Variants in NRXN3 observed in about 807,000 individuals in gnomAD.
NRXN3 encodes neurexin 3, also known as neurexin III.
NRXN3 carries 32 observed loss-of-function variants against 137.6 expected under a neutral mutation model. The ratio of observed to expected loss-of-function variants is 0.23; its 90% CI spans 0.18 to 0.31. The LOEUF (loss-of-function observed/expected upper bound fraction) is 0.31, where lower values mean the gene tolerates loss of function less well. Ranked by LOEUF, NRXN3 falls within the 10% of genes least tolerant of loss-of-function variation. NRXN3 has a pLI of 1.00. For missense variants in NRXN3, 1,574 were observed against 2,062.5 expected (o/e 0.76, Z 4.59); for synonymous variants, 798 against 784.5 (o/e 1.02, Z -0.29).
chr14:78,284,513 A>T (rs2074892018), intron 3 of NRXN3, among the ~76,000 whole-genome samples: 2 of 152,206 alleles, frequency 1.3e-5, no homozygotes, highest in African/African-American at 4.8e-5. Flanking sequence ...AACTTTCTAA[A>T]TTAACTGAGA....
At chr14:79,825,394 A>C (rs949813537) in intron 20 of NRXN3, among the ~76,000 whole-genome samples, 3 of 152,058 alleles carry the variant, frequency 2.0e-5, no homozygotes, top group Non-Finnish European at 4.4e-5. Flanking sequence ...ATTTAAGAAA[A>C]TTTCAGAAGT....
intron 15 of NRXN3, among the ~76,000 whole-genome samples, chr14:79,297,172 CAT>C (rs1474076625): frequency 6.6e-6 from 1 of 152,236 alleles, no homozygotes; most frequent in African/African-American, 2.4e-5. Context: ...CATAGGTTCT[CAT>C]AACCTTCTAG....
At chr14:78,798,573 C>G (rs917700780) in intron 8 of NRXN3, among the ~76,000 whole-genome samples, 2 of 152,172 alleles carry the variant, frequency 1.3e-5, no homozygotes, top group African/African-American at 4.8e-5. Flanking sequence ...AGGACAGTGG[C>G]CTTCTTCTCA....
At chr14:78,196,133 C>T (rs563733209) in intron 1 of NRXN3, among the ~76,000 whole-genome samples, 1 of 152,346 alleles carries the variant, frequency 6.6e-6, no homozygotes, top group South Asian at 2.1e-4. Flanking sequence ...CGTCACCCAG[C>T]CAGAAAGTGT....
At chr14:79,838,589 G>T (rs1044724955) in intron 20 of NRXN3, among the ~76,000 whole-genome samples, 1 of 152,152 alleles carries the variant, frequency 6.6e-6, no homozygotes, top group African/African-American at 2.4e-5. Context: ...TAGTGTTGGA[G>T]ACCATATTGA....
intron 15 of NRXN3, among the ~76,000 whole-genome samples, chr14:79,271,369 C>G (rs2079270704): frequency 6.6e-6 from 1 of 150,500 alleles, no homozygotes; most frequent in Non-Finnish European, 1.5e-5. Flanking sequence ...TCCCTCTCCC[C>G]TCCCCTCCCT....
At chr14:78,858,434 C>A (rs2099063436) in intron 10 of NRXN3, among the ~76,000 whole-genome samples, 1 of 152,132 alleles carries the variant, frequency 6.6e-6, no homozygotes, top group African/African-American at 2.4e-5. Flanking sequence ...GTTCTACCTT[C>A]ACTAGAGTAA....
chr14:79,056,520 T>C (rs1364441842), intron 15 of NRXN3, among the ~76,000 whole-genome samples: 1 of 152,178 alleles, frequency 6.6e-6, no homozygotes, highest in Non-Finnish European at 1.5e-5. Context: ...CAAAGAGCTA[T>C]GGAAATTAAT....
chr14:79,473,546 G>A (rs2096533298), intron 16 of NRXN3, among the ~76,000 whole-genome samples: 1 of 152,182 alleles, frequency 6.6e-6, no homozygotes, highest in Admixed American at 6.5e-5. Flanking sequence ...TTTGGCCAGT[G>A]ACAGAATTGG....
intron 15 of NRXN3, among the ~76,000 whole-genome samples, chr14:79,035,992 A>T (rs1157466135): frequency 1.3e-5 from 2 of 152,054 alleles, no homozygotes; most frequent in African/African-American, 4.8e-5. Context: ...TTTCAGGAGG[A>T]AAAATTAATC....
chr14:79,742,606 G>C (rs1328880426), intron 19 of NRXN3, among the ~76,000 whole-genome samples: 2 of 152,122 alleles, frequency 1.3e-5, no homozygotes, highest in East Asian at 1.9e-4. Context: ...CTGCTACTTG[G>C]CTTATTGTTG....
At chr14:78,641,983 A>G (rs8019422) in intron 4 of NRXN3, among the ~76,000 whole-genome samples, 18,757 of 152,214 alleles carry the variant, frequency 0.12, 1,439 homozygotes, top group African/African-American at 0.21. Flanking sequence ...TACAGATCTA[A>G]GGGCTGAAAG....
chr14:79,105,561 CT>C (rs2052262474), intron 15 of NRXN3, among the ~76,000 whole-genome samples: 1 of 152,066 alleles, frequency 6.6e-6, no homozygotes, highest in African/African-American at 2.4e-5. Context: ...TATGGGATTC[CT>C]TAGAATCCAT....
intron 2 of NRXN3, among the ~76,000 whole-genome samples, chr14:78,278,289 T>C (rs2073904819): frequency 1.3e-5 from 2 of 152,190 alleles, no homozygotes; most frequent in Non-Finnish European, 1.5e-5. Flanking sequence ...TTGGTGTCAG[T>C]GTGCAGAAAT....
rs528298574 is a variant in NRXN3, at chr14:79,275,151, A to G, written c.3263-192070A>G. 1.7e-3 allele frequency among the ~76,000 whole-genome samples: 260 copies of G among 152,330 alleles called. 2 individuals are homozygous for G. Among genetic ancestry groups the G allele is most frequent in the African/African-American group, 5.8e-3 (242 of 41,568 alleles). On this transcript the variant is annotated intron_variant, in intron 15 of 20. Coordinates refer to ENST00000335750, the MANE Select transcript of NRXN3 (RefSeq NM_001330195.2). ...GTCGAACTGTTTTATGGTGTCACTG[A>G]AACCCTTAGATATATTTATAGCCAT...
At chr14:79,468,057 G>A (rs1032920300) in intron 16 of NRXN3, among the ~76,000 whole-genome samples, 5 of 152,168 alleles carry the variant, frequency 3.3e-5, no homozygotes, top group African/African-American at 4.8e-5. Context: ...CAGAGTGGGC[G>A]GGGCAAAAGG....
At chr14:79,425,678 G>A (rs1034996637) in intron 15 of NRXN3, among the ~76,000 whole-genome samples, 2 of 152,084 alleles carry the variant, frequency 1.3e-5, no homozygotes, top group East Asian at 3.9e-4. Context: ...AATACCAACC[G>A]AGGTCTTCTG....
chr14:79,099,532 T>A (rs2152836699), intron 15 of NRXN3, among the ~76,000 whole-genome samples: 1 of 152,296 alleles, frequency 6.6e-6, no homozygotes, highest in South Asian at 2.1e-4. Flanking sequence ...TTTAAAATGT[T>A]ATGGGGAAGC....
chr14:79,568,633 G>A lies in NRXN3; in HGVS notation c.3445-95145G>A, dbSNP rs183191870. On this transcript the variant is annotated intron_variant, in intron 16 of 20. Transcript: ENST00000335750. ...GAGCTAGAGCCGGGAGACTCCTCCT[G>A]TGGCTTTTATTAATGGACCAAAGTT... Among the ~76,000 whole-genome samples, 957 of 152,312 alleles carry A rather than the reference G, an allele frequency of 6.3e-3. 12 individuals carry two copies. Among genetic ancestry groups the A allele is most frequent in the Middle Eastern group, 0.037 (11 of 294 alleles).
Sources: gnomAD v4.1 joint callset for allele counts (sites outside exome capture counted in the v4.1 genomes callset) on GRCh38, gnomAD v4.1.1 for gene constraint, MANE v1.5 for transcripts, NCBI Gene and HGNC (gene_info 2026-07-23, HGNC 2026-07-21) for gene names.